The following TRAPPC9 variants were observed in gnomAD, a reference collection of about 807,000 sequenced individuals.
TRAPPC9 encodes IKK2 binding protein.
In TRAPPC9, 83 loss-of-function variants were observed where a neutral mutation model predicts 124.0. That is an observed-to-expected ratio of 0.67 (90% confidence interval 0.56 to 0.80). The LOEUF (loss-of-function observed/expected upper bound fraction) is 0.80. Among genes scored for constraint, TRAPPC9 ranks in the 30% least tolerant of loss-of-function variants. The pLI, the probability that TRAPPC9 is intolerant of heterozygous loss-of-function variation, is 0.00. For synonymous variants in TRAPPC9, 638 were observed against 617.5 expected, an observed-to-expected ratio of 1.03 and a Z score of -0.49; for missense variants, 1,302 against 1,508.3, an observed-to-expected ratio of 0.86 and a Z score of 2.27.
rs996842277 is a variant in TRAPPC9 at position 140,456,172 on chromosome 8, G to A, written c.-11+1467C>T. ...CGCCTGTAATCCCAGTACTTTGGGA[G>A]GCCAAGGCGGGTGGATCACGAGGTC... On this transcript the variant is annotated intron_variant, in intron 1 of 22. Transcript: ENST00000438773. Among the ~76,000 whole-genome samples the A allele has an allele frequency of 2.0e-5, 3 of 152,188 alleles. 1 individual carries two copies. The highest frequency in any genetic ancestry group is 4.8e-5 in the African/African-American group (2 of 41,454).
At chr8:139,802,489 T>C (rs1298533817) in intron 21 of TRAPPC9, among the ~76,000 whole-genome samples, 1 of 152,192 alleles carries the variant, frequency 6.6e-6, no homozygotes, top group Non-Finnish European at 1.5e-5. Context: ...CACCACCCAG[T>C]GAGGACTCAG....
At chr8:139,985,380 C>A (rs77770410) in intron 19 of TRAPPC9, among the ~76,000 whole-genome samples, 1 of 152,256 alleles carries the variant, frequency 6.6e-6, no homozygotes, top group East Asian at 1.9e-4. Flanking sequence ...AAGAGCAGTC[C>A]GAGGGCTGAC....
chr8:140,205,205 A>G (rs61623815), intron 17 of TRAPPC9, among the ~76,000 whole-genome samples: 43,947 of 152,136 alleles, frequency 0.29, 6,723 homozygotes, highest in African/African-American at 0.34. Flanking sequence ...GTTAAATAAG[A>G]TATCACTGGT....
At chr8:139,894,818 A>T (rs535617030) in intron 20 of TRAPPC9, among the ~76,000 whole-genome samples, 32 of 152,304 alleles carry the variant, frequency 2.1e-4, no homozygotes, top group African/African-American at 7.5e-4. Context: ...GGGCACACGA[A>T]GTCACGCTCA....
intron 20 of TRAPPC9, among the ~76,000 whole-genome samples, chr8:139,895,672 C>A (rs1265720134): frequency 6.6e-6 from 1 of 152,198 alleles, no homozygotes; most frequent in African/African-American, 2.4e-5. Context: ...CACAGCTGCA[C>A]TTGAGTGTGG....
chr8:139,900,968 T>G lies in TRAPPC9; in HGVS notation c.2964+9179A>C, dbSNP rs1830977925. On this transcript the variant is annotated intron_variant, in intron 20 of 22. Transcript: ENST00000438773. ...AGACCTGAGGTGTGTGAGCCTCATC[T>G]CTCAAAAATAAATAAATAAATAAAT... 7.2e-5 allele frequency among the ~76,000 whole-genome samples: 10 copies of G among 139,356 alleles called. No individual in the cohort carries two copies. The South Asian group carries it at 2.2e-3, about 31-fold the overall frequency. 91.4% of individuals were successfully genotyped at this position (139,356 alleles called of 152,430 possible).
At chr8:139,780,497 T>C (rs751715875) in intron 21 of TRAPPC9, among the ~76,000 whole-genome samples, 6 of 152,126 alleles carry the variant, frequency 3.9e-5, no homozygotes, top group Non-Finnish European at 8.8e-5. Flanking sequence ...AATCTAGACA[T>C]AGACTTTATG....
At position 140,023,928 on chromosome 8, in the gene TRAPPC9, G is replaced by A; in HGVS notation, c.2699+9C>T. The A allele has an allele frequency of 6.2e-7, 1 of 1,613,976 alleles. No homozygotes were observed. Among genetic ancestry groups the A allele is most frequent in the East Asian group, 2.2e-5 (1 of 44,872 alleles). On this transcript the variant is annotated intron_variant, in intron 18 of 22. Coordinates refer to ENST00000438773, the MANE Select transcript of TRAPPC9 (RefSeq NM_001160372.4). ...GAACAAGACGGCTGTGCGGCAGGAA[G>A]ACATTTACCTGGTTGCTGGGAGGGT...
chr8:139,949,302 A>T (rs1040656061), intron 19 of TRAPPC9, among the ~76,000 whole-genome samples: 1 of 152,228 alleles, frequency 6.6e-6, no homozygotes, highest in African/African-American at 2.4e-5. Context: ...ATAATTCTCA[A>T]GGAGAAAACA....
At position 140,225,095 on chromosome 8, in the gene TRAPPC9, C is replaced by T. The variant is rs137913837; in HGVS notation, c.2432-3512G>A. 8.4e-3 allele frequency among the ~76,000 whole-genome samples: 1,275 copies of T among 152,318 alleles called. 9 individuals carry two copies. Among genetic ancestry groups the T allele is most frequent in the South Asian group, 0.022 (105 of 4,822 alleles). On this transcript the variant is annotated intron_variant, in intron 16 of 22. Coordinates refer to ENST00000438773, the MANE Select transcript of TRAPPC9 (RefSeq NM_001160372.4). ...ATTGCATAGGAAGGATTTATCACAA[C>T]GCCTGGTACGGGGCAAGCATTCAGT...
At chr8:140,220,641 C>T (rs2063318527) in intron 17 of TRAPPC9, among the ~76,000 whole-genome samples, 1 of 152,216 alleles carries the variant, frequency 6.6e-6, no homozygotes, top group African/African-American at 2.4e-5. Context: ...CTCCTCCACC[C>T]CTCCTCTTGG....
chr8:140,450,316 G>A lies in TRAPPC9; in HGVS notation c.584+474C>T, dbSNP rs138372186. On this transcript the variant is annotated intron_variant, in intron 2 of 22. Coordinates refer to ENST00000438773, the MANE Select transcript of TRAPPC9 (RefSeq NM_001160372.4). ...GTGCACGTTGCACTGAGCCAAGATC[G>A]CGCCACTGCACTCCAGCCTGAGAGA... Among the ~76,000 whole-genome samples the A allele has an allele frequency of 1.3e-4, 20 of 152,198 alleles. No homozygotes were observed. In the East Asian group the frequency reaches 3.9e-3, roughly 29 times the overall value.
At chr8:139,814,567 C>G (rs138805095) in intron 21 of TRAPPC9, among the ~76,000 whole-genome samples, 3 of 152,248 alleles carry the variant, frequency 2.0e-5, no homozygotes, top group African/African-American at 7.2e-5. Flanking sequence ...GATCTCACAG[C>G]TCTCCTTCCA....
intron 9 of TRAPPC9, among the ~76,000 whole-genome samples, chr8:140,347,499 G>C (rs1179744102): frequency 6.6e-6 from 1 of 152,162 alleles, no homozygotes; most frequent in Non-Finnish European, 1.5e-5. Context: ...CTTCAGCCCT[G>C]TCCTCAGCCT....
chr8:140,293,150 C>T (rs1228729638), intron 11 of TRAPPC9, among the ~76,000 whole-genome samples: 2 of 147,006 alleles, frequency 1.4e-5, no homozygotes, highest in Admixed American at 1.3e-4. Flanking sequence ...AAATGCAAAT[C>T]AAAACCACAA....
intron 18 of TRAPPC9, among the ~76,000 whole-genome samples, chr8:140,007,054 G>A (rs1250080967): frequency 1.3e-5 from 2 of 152,170 alleles, no homozygotes; most frequent in Non-Finnish European, 2.9e-5. Context: ...AAGCAGGGGC[G>A]CCCAGGAATT....
intron 19 of TRAPPC9, among the ~76,000 whole-genome samples, chr8:139,926,054 G>A (rs1832800607): frequency 6.6e-6 from 1 of 152,216 alleles, no homozygotes; most frequent in African/African-American, 2.4e-5. Flanking sequence ...ATCCAGTGAC[G>A]TCACGTGGAT....
chr8:139,853,717 A>G (rs1282119973), intron 21 of TRAPPC9, among the ~76,000 whole-genome samples: 1 of 152,160 alleles, frequency 6.6e-6, no homozygotes. Context: ...GGCCAGGGGC[A>G]GGCTGGGGGC....
intron 17 of TRAPPC9, among the ~76,000 whole-genome samples, chr8:140,105,425 G>C (rs1208518762): frequency 6.6e-6 from 1 of 152,182 alleles, no homozygotes; most frequent in African/African-American, 2.4e-5. Flanking sequence ...CCACAGTACA[G>C]TGCCTTTCTT....
Sources: gnomAD v4.1 joint callset for allele counts (sites outside exome capture counted in the v4.1 genomes callset) on GRCh38, gnomAD v4.1.1 for gene constraint, MANE v1.5 for transcripts, NCBI Gene and HGNC (gene_info 2026-07-23, HGNC 2026-07-21) for gene names.